TNR: variants seen among roughly 807,000 people sequenced by gnomAD.
TNR encodes tenascin-R.
Under a neutral mutation model 150.4 loss-of-function variants are expected in TNR, and 45 were observed. That is an observed-to-expected ratio of 0.30 (90% CI 0.24 to 0.38). TNR has a LOEUF of 0.38. Among genes scored for constraint, TNR ranks in the 10% least tolerant of loss-of-function variants. The probability of loss-of-function intolerance (pLI) is 1.00; values close to 1 mark genes in which losing one functional copy is unlikely to be tolerated. For missense variants in TNR, 1,544 were observed against 1,759.1 expected, an observed-to-expected ratio of 0.88 and a Z score of 2.19; for synonymous variants, 687 against 678.4, an observed-to-expected ratio of 1.01 and a Z score of -0.20.
intron 1 of TNR, among the ~76,000 whole-genome samples, chr1:175,653,691 T>C (rs555739939): frequency 1.2e-4 from 19 of 152,232 alleles, no homozygotes; most frequent in Non-Finnish European, 1.3e-4. Context: ...CATTGGGTTA[T>C]TATAGAACAC....
intron 1 of TNR, among the ~76,000 whole-genome samples, chr1:175,699,977 G>A (rs1186308199): frequency 6.6e-6 from 1 of 151,888 alleles, no homozygotes; most frequent in Admixed American, 6.6e-5. Flanking sequence ...AGAAGCAGAA[G>A]GATTAAATAC....
intron 15 of TNR, among the ~76,000 whole-genome samples, chr1:175,358,257 A>T (rs1317147085): frequency 1.3e-5 from 2 of 152,228 alleles, no homozygotes; most frequent in South Asian, 2.1e-4. Flanking sequence ...ATTCAGCTAC[A>T]GTCCCAGCTA....
At chr1:175,444,990 G>C (rs1655973148) in intron 2 of TNR, among the ~76,000 whole-genome samples, 1 of 152,224 alleles carries the variant, frequency 6.6e-6, no homozygotes, top group African/African-American at 2.4e-5. Context: ...GCCTGAGGCA[G>C]CCGGGCGCGG....
At chr1:175,467,400 C>A (rs1657081035) in intron 2 of TNR, among the ~76,000 whole-genome samples, 2 of 152,184 alleles carry the variant, frequency 1.3e-5, no homozygotes, top group African/African-American at 2.4e-5. Context: ...ACCTAGTTTG[C>A]ACAATGAAAC....
intron 1 of TNR, among the ~76,000 whole-genome samples, chr1:175,722,507 C>G: frequency 6.6e-6 from 1 of 152,078 alleles, no homozygotes; most frequent in East Asian, 1.9e-4. Flanking sequence ...CTCTGTTGCC[C>G]AGACTAGAGT....
chr1:175,588,669 C>T (rs972668473), intron 1 of TNR, among the ~76,000 whole-genome samples: 3 of 152,162 alleles, frequency 2.0e-5, no homozygotes, highest in African/African-American at 7.2e-5. Flanking sequence ...CCATCAGTGG[C>T]CCCTGAGAGA....
At chr1:175,331,718 AG>A (rs2101987353) in intron 20 of TNR, among the ~76,000 whole-genome samples, 1 of 152,268 alleles carries the variant, frequency 6.6e-6, no homozygotes, top group South Asian at 2.1e-4. Flanking sequence ...ACTGAACTAG[AG>A]TCCCCTTGCT....
chr1:175,699,087 A>G (rs1026110489), intron 1 of TNR, among the ~76,000 whole-genome samples: 3 of 152,174 alleles, frequency 2.0e-5, no homozygotes, highest in Non-Finnish European at 4.4e-5. Flanking sequence ...GGAAGTGATA[A>G]GAAGTGGTTT....
intron 1 of TNR, among the ~76,000 whole-genome samples, chr1:175,536,882 T>C (rs1660313353): frequency 6.6e-6 from 1 of 152,170 alleles, no homozygotes. Context: ...TTGGGCCCCA[T>C]ATTGGGAATG....
intron 1 of TNR, among the ~76,000 whole-genome samples, chr1:175,738,610 A>G (rs746989644): frequency 6.6e-6 from 1 of 152,232 alleles, no homozygotes; most frequent in Non-Finnish European, 1.5e-5. Flanking sequence ...GTTGCATACA[A>G]TGTAAATGTA....
chr1:175,418,683 C>T (rs560190334), intron 2 of TNR, among the ~76,000 whole-genome samples: 2 of 151,520 alleles, frequency 1.3e-5, no homozygotes, highest in African/African-American at 2.4e-5. Flanking sequence ...GAGATTGTGC[C>T]GCTGCACTCC....
chr1:175,573,165 A>AGT lies in TNR; in HGVS notation c.-164-44798_-164-44797dup, dbSNP rs1661954861. Reference sequence around the variant, plus strand: ...TTCATACTCCCTGTACTTGTGTACAAGTGTGTGTGTACACCCTCCAGCCAC... The same window carrying AGT: ...TTCATACTCCCTGTACTTGTGTACAAGTGTGTGTGTGTACACCCTCCAGCCAC... On this transcript the variant is annotated intron_variant, in intron 1 of 22. Coordinates refer to ENST00000367674, the MANE Select transcript of TNR (RefSeq NM_003285.3). Among the ~76,000 whole-genome samples the AGT allele has an allele frequency of 2.0e-5, 3 of 152,336 alleles. No homozygotes were observed. The South Asian group carries it at 6.2e-4, about 32-fold the overall frequency.
intron 1 of TNR, among the ~76,000 whole-genome samples, chr1:175,559,643 A>G (rs193293115): frequency 6.6e-6 from 1 of 152,308 alleles, no homozygotes; most frequent in Non-Finnish European, 1.5e-5. Flanking sequence ...TATTGTAGGT[A>G]TTCTTACTCA....
chr1:175,607,347 C>G (rs1663442380), intron 1 of TNR, among the ~76,000 whole-genome samples: 1 of 152,184 alleles, frequency 6.6e-6, no homozygotes, highest in Admixed American at 6.5e-5. Context: ...CACTACAGTC[C>G]TGCTAAGCAT....
At chr1:175,625,392 G>A (rs1664119484) in intron 1 of TNR, among the ~76,000 whole-genome samples, 2 of 152,224 alleles carry the variant, frequency 1.3e-5, no homozygotes, top group Admixed American at 1.3e-4. Context: ...ACACAGGAGT[G>A]GTGTTGGCTC....
At chr1:175,327,965 G>A (rs1465019772) in intron 21 of TNR, among the ~76,000 whole-genome samples, 2 of 152,124 alleles carry the variant, frequency 1.3e-5, no homozygotes, top group Non-Finnish European at 2.9e-5. Flanking sequence ...AAAATTAGCT[G>A]GGCATGGTGG....
At chr1:175,488,612 C>T (rs1293962185) in intron 2 of TNR, among the ~76,000 whole-genome samples, 1 of 152,224 alleles carries the variant, frequency 6.6e-6, no homozygotes, top group African/African-American at 2.4e-5. Context: ...GCTTTAAATG[C>T]TTCCAGGCAC....
At chr1:175,401,031 G>A (rs1422363601) in intron 4 of TNR, among the ~76,000 whole-genome samples, 1 of 152,164 alleles carries the variant, frequency 6.6e-6, no homozygotes, top group African/African-American at 2.4e-5. Flanking sequence ...AACCTGTAAA[G>A]TAATTTATCT....
At chr1:175,361,640 A>G (rs897905794) in intron 14 of TNR, among the ~76,000 whole-genome samples, 1 of 152,222 alleles carries the variant, frequency 6.6e-6, no homozygotes, top group Non-Finnish European at 1.5e-5. Context: ...ATTCTAAAGT[A>G]TATTTCCCTC....
Sources: gnomAD v4.1 joint callset for allele counts (sites outside exome capture counted in the v4.1 genomes callset) on GRCh38, gnomAD v4.1.1 for gene constraint, MANE v1.5 for transcripts, NCBI Gene and HGNC (gene_info 2026-07-23, HGNC 2026-07-21) for gene names.